DNAH3: variants seen among roughly 807,000 people sequenced by gnomAD.
DNAH3 encodes axonemal beta dynein heavy chain 3.
DNAH3 carries 332 observed loss-of-function variants against 432.5 expected under a neutral mutation model. The observed-to-expected ratio is 0.77, with a 90% CI of 0.70 to 0.84. DNAH3 has a LOEUF of 0.84. DNAH3 is among the 40% of genes least tolerant of loss of function. The pLI, the probability that DNAH3 is intolerant of heterozygous loss-of-function variation, is 0.00. For synonymous variants in DNAH3, 1,956 were observed against 1,900.2 expected, an observed-to-expected ratio of 1.03 and a Z score of -0.76; for missense variants, 4,861 against 5,114.0, an observed-to-expected ratio of 0.95 and a Z score of 1.51.
chr16:21,086,250 C>T (rs772817178), intron 19 of DNAH3, among the ~76,000 whole-genome samples: 1 of 152,192 alleles, frequency 6.6e-6, no homozygotes, highest in African/African-American at 2.4e-5. Flanking sequence ...AGTGTTCACA[C>T]CACACTTATC....
intron 44 of DNAH3, among the ~76,000 whole-genome samples, chr16:20,989,897 C>T (rs944382448): frequency 6.6e-6 from 1 of 152,240 alleles, no homozygotes; most frequent in Non-Finnish European, 1.5e-5. Context: ...CTAAGTCCCT[C>T]ATTGCCCGGG....
chr16:21,134,957 C>A (rs1475604729), intron 6 of DNAH3, among the ~76,000 whole-genome samples: 1 of 152,018 alleles, frequency 6.6e-6, no homozygotes, highest in African/African-American at 2.4e-5. Context: ...CAAAGTGCTG[C>A]GATTATAGGT....
intron 7 of DNAH3, among the ~76,000 whole-genome samples, chr16:21,133,553 C>A (rs1308449253): frequency 6.6e-6 from 1 of 151,914 alleles, no homozygotes; most frequent in Non-Finnish European, 1.5e-5. Context: ...CCAGCCTGAC[C>A]AACATGGAGA....
chr16:21,003,343 C>T (rs1487101072), intron 41 of DNAH3, 136 bp from the exon 42 acceptor site: 3 of 604,378 alleles, frequency 5.0e-6, no homozygotes, highest in Non-Finnish European at 8.7e-6. Flanking sequence ...TGTGGTGAAA[C>T]TTATACATTG....
At position 21,027,135 on chromosome 16, in the gene DNAH3, T is replaced by G; in HGVS notation, c.5440-8A>C. 2 of 1,606,642 alleles carry G rather than the reference T, an allele frequency of 1.2e-6. No individual in the cohort carries two copies. Among genetic ancestry groups the G allele is most frequent in the Non-Finnish European group, 1.7e-6 (2 of 1,173,476 alleles). On this transcript the variant is annotated splice_polypyrimidine_tract_variant and splice_region_variant and intron_variant, in intron 37 of 61. Coordinates refer to ENST00000261383, the Ensembl canonical transcript of DNAH3. ...CCCACTCATGAGACACAGCTAAAAG[T>G]GCAAAGCAGAGGGTAGCAGACAGGG... is the stretch of plus-strand genomic sequence containing the variant.
chr16:21,140,708 A>G, exon 5 of DNAH3: 1 of 1,613,868 alleles, frequency 6.2e-7, no homozygotes, highest in African/African-American at 1.3e-5. Context: ...GGCCAACTTG[A>G]TCCTGAAAAG....
intron 1 of DNAH3, among the ~76,000 whole-genome samples, 184 bp downstream of exon 2, chr16:21,150,106 T>A (rs887983174): frequency 3.3e-5 from 5 of 151,840 alleles, no homozygotes; most frequent in Non-Finnish European, 7.4e-5. Context: ...ATGCCTGTAA[T>A]CCCAGCTACT....
chr16:20,992,727 A>G (rs750107633), intron 44 of DNAH3, among the ~76,000 whole-genome samples: 2 of 152,242 alleles, frequency 1.3e-5, no homozygotes, highest in Non-Finnish European at 2.9e-5. Context: ...ATTGGATTTC[A>G]AGACTACAAT....
At chr16:21,097,204 A>G in intron 18 of DNAH3, 151 bp downstream of exon 18, 1 of 947,274 alleles carries the variant, frequency 1.1e-6, no homozygotes, top group South Asian at 1.4e-5. Flanking sequence ...ATCACATCAG[A>G]TAATTTTGAC....
At chr16:20,940,051 G>A (rs916094178) in intron 59 of DNAH3, among the ~76,000 whole-genome samples, 4 of 152,186 alleles carry the variant, frequency 2.6e-5, no homozygotes, top group Admixed American at 6.5e-5. Context: ...CTGTGTGGTA[G>A]AGGCACTAGG....
chr16:20,968,372 A>G (rs1480314187), intron 52 of DNAH3, among the ~76,000 whole-genome samples: 1 of 152,142 alleles, frequency 6.6e-6, no homozygotes, highest in Non-Finnish European at 1.5e-5. Context: ...CCTGGATGGG[A>G]TTAGAGCAGA....
At chr16:21,040,653 C>A (rs191948609) in intron 32 of DNAH3, among the ~76,000 whole-genome samples, 1 of 152,062 alleles carries the variant, frequency 6.6e-6, no homozygotes, top group East Asian at 1.9e-4. Context: ...GCGTGAGCTA[C>A]CGCGCCCAGC....
At chr16:20,953,064 G>A (rs1184121184) in intron 55 of DNAH3, among the ~76,000 whole-genome samples, 1 of 152,160 alleles carries the variant, frequency 6.6e-6, no homozygotes, top group East Asian at 1.9e-4. Context: ...TGTAAACCAG[G>A]CATGGTGCAG....
chr16:20,979,070 A>C (rs2085733125), intron 50 of DNAH3, among the ~76,000 whole-genome samples: 1 of 152,140 alleles, frequency 6.6e-6, no homozygotes, highest in Non-Finnish European at 1.5e-5. Flanking sequence ...AAAAGTACTC[A>C]AGATAAATAA....
exon 43 of DNAH3, chr16:21,000,396 G>T (rs372589881): frequency 1.2e-6 from 2 of 1,614,176 alleles, no homozygotes; most frequent in South Asian, 2.2e-5. Context: ...AGTTGTTGGT[G>T]ATGGCTGATT....
Position 21,040,418 on chromosome 16 carries a change from G to A in DNAH3, c.4639-475C>T, listed in dbSNP as rs562127091. Among the ~76,000 whole-genome samples the A allele has an allele frequency of 2.2e-5, 3 of 139,458 alleles. No homozygotes were observed. The East Asian group carries it at 6.2e-4, about 29-fold the overall frequency. 91.5% of individuals were successfully genotyped at this position (139,458 alleles called of 152,430 possible). On this transcript the variant is annotated intron_variant, in intron 32 of 61. Transcript: ENST00000261383. ...GAGTCTCTGTCACCCAGGCTGGAGGGCAGTGGCACGATCTTGGCTCATTGC... is the reference window on the plus strand; with the variant it reads ...GAGTCTCTGTCACCCAGGCTGGAGGACAGTGGCACGATCTTGGCTCATTGC...
intron 51 of DNAH3, among the ~76,000 whole-genome samples, chr16:20,970,597 TAATTTAA>T (rs1175604103): frequency 6.6e-6 from 1 of 152,178 alleles, no homozygotes; most frequent in Non-Finnish European, 1.5e-5. Context: ...GCTAAAAACA[TAATTTAA>T]AATTGCCCCT....
intron 52 of DNAH3, among the ~76,000 whole-genome samples, chr16:20,968,977 C>T (rs182772764): frequency 4.6e-5 from 7 of 152,110 alleles, no homozygotes; most frequent in Admixed American, 3.9e-4. Context: ...GCATATTTGT[C>T]TCTCAGTCTC....
At chr16:21,033,635 A>C (rs2089007994) in intron 36 of DNAH3, among the ~76,000 whole-genome samples, 1 of 152,280 alleles carries the variant, frequency 6.6e-6, no homozygotes, top group Middle Eastern at 3.4e-3. Flanking sequence ...AGAAGCAAAG[A>C]AGCAAAACCA....
Sources: allele counts gnomAD v4.1 joint callset (sites outside exome capture counted in the v4.1 genomes callset), GRCh38; gene constraint gnomAD v4.1.1; transcripts MANE v1.5; gene names NCBI Gene and HGNC (gene_info 2026-07-23, HGNC 2026-07-21).